DCBLD1: variants seen among roughly 807,000 people sequenced by gnomAD.
The protein encoded by DCBLD1 is discoidin, CUB and LCCL domain-containing protein 1.
Under a neutral mutation model 71.5 loss-of-function variants are expected in DCBLD1, and 57 were observed. The observed-to-expected ratio is 0.80, with a 90% CI of 0.64 to 0.99. The LOEUF is 0.99. Among genes scored for constraint, DCBLD1 ranks in the 50% least tolerant of loss-of-function variants. The pLI is 0.00. For missense variants in DCBLD1, 891 were observed against 923.5 expected, an observed-to-expected ratio of 0.96 and a Z score of 0.46; for synonymous variants, 380 against 363.8, an observed-to-expected ratio of 1.04 and a Z score of -0.51.
chr6:117,519,145 A>G (rs1223741366), intron 2 of DCBLD1, among the ~76,000 whole-genome samples: 1 of 152,182 alleles, frequency 6.6e-6, no homozygotes, highest in East Asian at 1.9e-4. Flanking sequence ...TTTAAGCTCC[A>G]AATGTAATTT....
chr6:117,530,683 T>C (rs557615587), intron 5 of DCBLD1, among the ~76,000 whole-genome samples: 1 of 152,194 alleles, frequency 6.6e-6, no homozygotes, highest in Admixed American at 6.5e-5. Flanking sequence ...AAAGCCAGGA[T>C]GACAAGATAA....
At chr6:117,564,219 TCC>T (rs1779647945) in intron 14 of DCBLD1, among the ~76,000 whole-genome samples, 2 of 152,136 alleles carry the variant, frequency 1.3e-5, no homozygotes, top group South Asian at 4.1e-4. Flanking sequence ...CAAGCGATCC[TCC>T]TGCCTTGGCC....
intron 5 of DCBLD1, among the ~76,000 whole-genome samples, 169 bp from the exon 6 acceptor site, chr6:117,532,091 A>G (rs965418975): frequency 1.3e-5 from 2 of 152,232 alleles, no homozygotes; most frequent in African/African-American, 4.8e-5. Context: ...AAAGCAAGTC[A>G]CATGGTCCAG....
intron 2 of DCBLD1, among the ~76,000 whole-genome samples, chr6:117,518,418 CT>C (rs1377936139): frequency 6.6e-6 from 1 of 152,224 alleles, no homozygotes; most frequent in Non-Finnish European, 1.5e-5. Context: ...GCCCTCCAAA[CT>C]GTTCCAACCT....
chr6:117,566,883 T>A (rs760911403), intron 14 of DCBLD1: 11 of 1,590,272 alleles, frequency 6.9e-6, no homozygotes, highest in Non-Finnish European at 9.4e-6. Flanking sequence ...CCCACTTGTG[T>A]CTTTGCAACT....
chr6:117,519,024 T>G (rs924662190), intron 2 of DCBLD1, among the ~76,000 whole-genome samples: 1 of 152,192 alleles, frequency 6.6e-6, no homozygotes, highest in African/African-American at 2.4e-5. Context: ...CTCTTCAAAA[T>G]TTGCTTGCTA....
intron 2 of DCBLD1, among the ~76,000 whole-genome samples, chr6:117,505,921 C>A (rs1777827296): frequency 6.6e-6 from 1 of 152,148 alleles, no homozygotes; most frequent in Admixed American, 6.5e-5. Flanking sequence ...GGTTCTTGAG[C>A]TTTCAAGCTT....
chr6:117,493,061 A>G (rs1777347984), intron 1 of DCBLD1, among the ~76,000 whole-genome samples: 1 of 152,236 alleles, frequency 6.6e-6, no homozygotes, highest in African/African-American at 2.4e-5. Context: ...TATCAGATAC[A>G]GATGTGTTCC....
rs114350892 is a variant in DCBLD1, at chr6:117,548,528, G to C, written c.*89G>C. ...GGGAGCCTGCTGGTCCAGAGTGTGC[G>C]TGTGTATCGGTGTGTGTGTACACTT... On this transcript the variant is annotated 3_prime_UTR_variant, in exon 15 of 15. Coordinates refer to ENST00000338728, the MANE Select transcript of DCBLD1 (RefSeq NM_001366458.2). The C allele has an allele frequency of 1.3e-6, 2 of 1,515,328 alleles. No homozygotes were observed. The highest frequency in any genetic ancestry group is 2.8e-5 in the African/African-American group (2 of 72,610). 93.9% of individuals were successfully genotyped at this position (1,515,328 alleles called of 1,614,324 possible).
intron 14 of DCBLD1, chr6:117,563,107 A>T: frequency 1.5e-6 from 1 of 674,576 alleles, no homozygotes. Flanking sequence ...ATGCATTGAG[A>T]ATTGTTCACA....
chr6:117,537,330 C>T (rs953087714), intron 7 of DCBLD1, 105 bp downstream of exon 7: 33 of 1,020,450 alleles, frequency 3.2e-5, no homozygotes, highest in South Asian at 2.6e-5. Context: ...GTCAGGAGAT[C>T]GAGACCATCC....
Position 117,549,093 on chromosome 6 carries a change from C to G in DCBLD1, c.*654C>G, listed in dbSNP as rs981612272. On this transcript the variant is annotated 3_prime_UTR_variant, in exon 15 of 15. Transcript: ENST00000338728. Reference sequence around the variant, plus strand: ...TTTAAAAACAAGCAAAGAAACAACACCTCAGCAGCTGCCCGTTTCCTTAGT... The same window carrying G: ...TTTAAAAACAAGCAAAGAAACAACAGCTCAGCAGCTGCCCGTTTCCTTAGT... The G allele has an allele frequency of 3.0e-6, 3 of 985,788 alleles. No individual in the cohort carries two copies. Among genetic ancestry groups the G allele is most frequent in the Non-Finnish European group, 3.6e-6 (3 of 830,370 alleles). The allele number at this position is 985,788 out of a possible 1,614,324, so 61.1% of individuals were successfully genotyped here.
intron 2 of DCBLD1, among the ~76,000 whole-genome samples, chr6:117,505,724 G>C (rs1166434242): frequency 6.6e-6 from 1 of 152,118 alleles, no homozygotes; most frequent in East Asian, 1.9e-4. Flanking sequence ...CCTAACACTG[G>C]GAGGCCTAGG....
chr6:117,518,937 C>A (rs1016708803), intron 2 of DCBLD1, among the ~76,000 whole-genome samples: 1 of 152,040 alleles, frequency 6.6e-6, no homozygotes, highest in African/African-American at 2.4e-5. Flanking sequence ...TTCTTTTATT[C>A]TTCTTCCTTC....
Position 117,569,719 on chromosome 6 carries a change from A to G in DCBLD1, c.*95A>G, listed in dbSNP as rs776112829. On this transcript the variant is annotated 3_prime_UTR_variant, in exon 15 of 15. Coordinates refer to the DCBLD1 transcript ENST00000296955. ...GGATCTCAGAGATGAGGATTGGAAC[A>G]CCATGTTCTTTCCCACCCTAACAAC... 3.8e-6 allele frequency: 6 copies of G among 1,595,494 alleles called. No individual in the cohort carries two copies. In the African/African-American group the frequency reaches 8.1e-5, roughly 22 times the overall value.
chr6:117,556,244 G>A (rs546162945), intron 14 of DCBLD1, among the ~76,000 whole-genome samples: 1 of 152,032 alleles, frequency 6.6e-6, no homozygotes, highest in Admixed American at 6.6e-5. Context: ...TAGGTTTAGG[G>A]GGTAGAAGTG....
chr6:117,515,406 G>C (rs796820052), intron 2 of DCBLD1, among the ~76,000 whole-genome samples: 9 of 152,220 alleles, frequency 5.9e-5, no homozygotes, highest in African/African-American at 1.9e-4. Context: ...GGGGAGGGGT[G>C]TATTACTGGG....
At chr6:117,532,040 A>C (rs1277087408) in intron 5 of DCBLD1, among the ~76,000 whole-genome samples, 2 of 152,206 alleles carry the variant, frequency 1.3e-5, no homozygotes, top group African/African-American at 4.8e-5. Context: ...CTTCACTCAC[A>C]TGTGTAGCAG....
chr6:117,563,221 T>G, intron 14 of DCBLD1: 6 of 1,597,322 alleles, frequency 3.8e-6, no homozygotes, highest in Non-Finnish European at 5.1e-6. Context: ...CAGAATAGTC[T>G]GATTAACAAT....
Sources: gnomAD v4.1 joint callset for allele counts (sites outside exome capture counted in the v4.1 genomes callset) on GRCh38, gnomAD v4.1.1 for gene constraint, MANE v1.5 for transcripts, NCBI Gene and HGNC (gene_info 2026-07-23, HGNC 2026-07-21) for gene names.